Variants in RNF213 observed in about 807,000 individuals in gnomAD.
RNF213 encodes ring finger protein 213, also known as E3 ubiquitin-protein ligase RNF213.
In RNF213, 341 loss-of-function variants were observed where a neutral mutation model predicts 514.4. The observed-to-expected ratio is 0.66, with a 90% CI of 0.61 to 0.73. The LOEUF (loss-of-function observed/expected upper bound fraction) is 0.73, where lower values mean the gene tolerates loss of function less well. Among genes scored for constraint, RNF213 ranks in the 30% least tolerant of loss-of-function variants. The probability of loss-of-function intolerance (pLI) is 0.00; values close to 1 mark genes in which losing one functional copy is unlikely to be tolerated. For missense variants in RNF213, 5,767 were observed against 6,615.6 expected, an observed-to-expected ratio of 0.87 and a Z score of 4.45; for synonymous variants, 2,655 against 2,658.2, an observed-to-expected ratio of 1.00 and a Z score of 0.04.
At chr17:80,369,714 A>G (rs1459332366) in intron 45 of RNF213, 43 bp downstream of exon 45, 1 of 1,613,878 alleles carries the variant, frequency 6.2e-7, no homozygotes, top group Non-Finnish European at 8.5e-7. Context: ...TCATTTCTTC[A>G]TCTCGCTTCT....
intron 3 of RNF213, among the ~76,000 whole-genome samples, chr17:80,286,123 C>T (rs2044463806): frequency 6.6e-6 from 1 of 152,224 alleles, no homozygotes; most frequent in Non-Finnish European, 1.5e-5. Flanking sequence ...TGTGCCATTT[C>T]AGCAGTGGTG....
In RNF213 at chr17:80,264,997, G is replaced by A. The variant is rs1204744999; in HGVS notation, c.97+1219G>A. ...CAGCTGCTCGCCATGGGGTCTCTCC[G>A]ATGTTGTCCTTCAAGGGTGTGAGCC... is the stretch of plus-strand genomic sequence containing the variant. On this transcript the variant is annotated intron_variant, in intron 2 of 67. Coordinates refer to ENST00000582970, the MANE Select transcript of RNF213 (RefSeq NM_001256071.3). The surrounding 1 kb of genome is among the most constrained non-coding windows in gnomAD (Gnocchi z 5.0). Among the ~76,000 whole-genome samples the A allele has an allele frequency of 6.6e-6, 1 of 150,536 alleles. No individual in the cohort carries two copies. Among genetic ancestry groups the A allele is most frequent in the Non-Finnish European group, 1.5e-5 (1 of 67,902 alleles).
intron 3 of RNF213, among the ~76,000 whole-genome samples, chr17:80,286,212 G>A (rs7220465): frequency 0.38 from 56,859 of 151,212 alleles, 11,745 homozygotes; most frequent in African/African-American, 0.55. Context: ...GACGCAGGCC[G>A]GTGTTGGACG....
chr17:80,280,158 C>T (rs1405759586), intron 3 of RNF213, among the ~76,000 whole-genome samples: 15 of 152,240 alleles, frequency 9.9e-5, no homozygotes, highest in Non-Finnish European at 1.5e-5. Flanking sequence ...GCAGCGTCCA[C>T]ACGGGGCTGG....
At chr17:80,273,521 G>C (rs904036566) in intron 3 of RNF213, 117 bp downstream of exon 3, 1 of 1,316,708 alleles carries the variant, frequency 7.6e-7, no homozygotes, top group African/African-American at 1.5e-5. Flanking sequence ...CATTGAACCT[G>C]CCCACAGGGC....
chr17:80,287,603 C>T (rs1225085332), intron 3 of RNF213, among the ~76,000 whole-genome samples: 1 of 152,228 alleles, frequency 6.6e-6, no homozygotes, highest in Admixed American at 6.5e-5. Flanking sequence ...GTGTGGCGAG[C>T]GCTTCAAGGC....
intron 46 of RNF213, among the ~76,000 whole-genome samples, chr17:80,370,553 C>T (rs2079475815): frequency 6.6e-6 from 1 of 152,174 alleles, no homozygotes; most frequent in African/African-American, 2.4e-5. Flanking sequence ...TTGTTTTCTT[C>T]ACCGCCATGC....
intron 3 of RNF213, among the ~76,000 whole-genome samples, chr17:80,283,071 TA>T (rs1178472139): frequency 4.6e-5 from 7 of 152,128 alleles, no homozygotes; most frequent in Non-Finnish European, 7.4e-5. Flanking sequence ...TAAAATTATG[TA>T]AATACTTCTA....
chr17:80,364,390 G>A (rs373932677), intron 41 of RNF213, 43 bp from the exon 42 acceptor site: 1 of 1,613,508 alleles, frequency 6.2e-7, no homozygotes, highest in South Asian at 1.1e-5. Flanking sequence ...GGGTTCCTTG[G>A]TGGGAGCCGA....
chr17:80,381,763 C>A, intron 57 of RNF213, 36 bp downstream of exon 57: 1 of 1,592,506 alleles, frequency 6.3e-7, no homozygotes, highest in East Asian at 2.3e-5. Context: ...GGGGATCACA[C>A]AGCACAACGG....
chr17:80,281,081 G>T (rs1265802818), intron 3 of RNF213, among the ~76,000 whole-genome samples: 1 of 44,168 alleles, frequency 2.3e-5, no homozygotes. Context: ...CACACCCCCC[G>T]CCACACATAC....
rs2080251452 is a variant in RNF213, at chr17:80,386,727, G to A, written c.14758G>A (p.Val4920Ile). The A allele has an allele frequency of 6.2e-7, 1 of 1,614,200 alleles. No homozygotes were observed. Among genetic ancestry groups the A allele is most frequent in the Non-Finnish European group, 8.5e-7 (1 of 1,180,020 alleles). ...TGCCGCCGAGGTCACTGAACTGCAT[G>A]TCATCAGTTATGAAGTGGAGCGGGA... The part of the protein sequence containing the change: ...VDAAEVTELH[V>I]ISYEVERDLT... The change falls in exon 63 of 68, where the codon GTC becomes ATC. Residue 4920 changes from valine (V) to isoleucine (I), a missense_variant. Val to Ile is a conservative substitution (Grantham distance 29). Transcript: ENST00000582970.
rs552607069 is a variant in RNF213, at chr17:80,293,920, A to G, written c.1472-800A>G. 2.6e-3 allele frequency among the ~76,000 whole-genome samples: 396 copies of G among 152,072 alleles called. 2 individuals are homozygous for G. Among genetic ancestry groups the G allele is most frequent in the Middle Eastern group, 6.9e-3 (2 of 288 alleles). The stretch of plus-strand genomic sequence containing the variant: ...ACCGAGTTGAGAACTAAACAGTTGC[A>G]GGCCCTGCTGGGCCCAGGGTGCAGA... On this transcript the variant is annotated intron_variant, in intron 8 of 67. Coordinates refer to ENST00000582970, the MANE Select transcript of RNF213 (RefSeq NM_001256071.3).
intron 51 of RNF213, 138 bp downstream of exon 51, chr17:80,376,008 G>A: frequency 3.8e-6 from 3 of 781,084 alleles, no homozygotes; most frequent in Middle Eastern, 3.1e-4. Context: ...GTTATGTGGA[G>A]GAACACATAA....
chr17:80,345,175 C>T lies in RNF213; in HGVS notation c.6840C>T (p.Thr2280=), dbSNP rs747005197. 6 of 1,614,134 alleles carry T rather than the reference C, an allele frequency of 3.7e-6. No homozygotes were observed. The South Asian group carries it at 6.6e-5, about 18-fold the overall frequency. ...SDQSPGKHMV[T]MDGVREEDLA... Reference sequence around the variant, plus strand: ...AAAGCCCGGGGAAGCACATGGTCACCATGGATGGGGTTAGGGAAGAAGATC... The same window carrying T: ...AAAGCCCGGGGAAGCACATGGTCACTATGGATGGGGTTAGGGAAGAAGATC... The change falls in exon 29 of 68, where the codon ACC becomes ACT. Residue 2280 remains threonine (T), a synonymous_variant. Transcript: ENST00000582970. This position sits in a 1 kb window ranked among gnomAD's most constrained non-coding sequence, Gnocchi z 6.0.
intron 3 of RNF213, among the ~76,000 whole-genome samples, chr17:80,279,658 G>A (rs956961161): frequency 6.6e-6 from 1 of 151,768 alleles, no homozygotes; most frequent in Non-Finnish European, 1.5e-5. Context: ...TAGTAGAGAC[G>A]GGGTTTCACC....
intron 22 of RNF213, among the ~76,000 whole-genome samples, chr17:80,334,551 C>A (rs552795184): frequency 7.2e-5 from 11 of 152,190 alleles, no homozygotes; most frequent in Non-Finnish European, 7.4e-5. Context: ...AAATCTTGCC[C>A]CCTTCAGCTT....
rs1382603383 is a variant in RNF213 at position 80,327,893 on chromosome 17, A to G, written c.3271A>G (p.Lys1091Glu). The change falls in exon 19 of 68, where the codon AAA (lysine) becomes GAA (glutamate). Residue 1091 changes from lysine (K) to glutamate (E), a missense_variant. This residue lies in a region of RNF213 where 516 missense variants were observed against 566.5 expected (regional missense o/e 0.91). Coordinates refer to ENST00000582970, the MANE Select transcript of RNF213 (RefSeq NM_001256071.3). ...LIAVADSVLT[K>E]VVGDLLSGTI... ...AGCTGTTGCCGACTCTGTGTTGACG[A>G]AAGTTGTTGGTGACCTCCTAAGTGG... 6.5e-7 allele frequency: 1 copy of G among 1,537,262 alleles called. No homozygotes were observed. The highest frequency in any genetic ancestry group is 1.2e-5 in the South Asian group (1 of 84,066).
intron 2 of RNF213, among the ~76,000 whole-genome samples, chr17:80,270,054 C>T (rs2043766895): frequency 6.6e-6 from 1 of 152,234 alleles, no homozygotes; most frequent in Non-Finnish European, 1.5e-5. Flanking sequence ...TTCCCCAGAG[C>T]AACACTGTAA....
Sources: gnomAD v4.1 joint callset for allele counts (sites outside exome capture counted in the v4.1 genomes callset) on GRCh38, gnomAD v4.1.1 for gene constraint, gnomAD v4.1.1 regional missense constraint, Gnocchi (gnomAD v3.1) non-coding constraint, MANE v1.5 for transcripts, NCBI Gene and HGNC (gene_info 2026-07-23, HGNC 2026-07-21) for gene names.